Variants in MYH15 observed in about 807,000 individuals in gnomAD.
MYH15 encodes myosin heavy chain 15, also known as myosin-15.
A neutral mutation model predicts 240.5 loss-of-function variants in MYH15; 227 were observed. The ratio of observed to expected loss-of-function variants is 0.94; its 90% confidence interval spans 0.85 to 1.05. MYH15 has a LOEUF of 1.05. Ranked by LOEUF, MYH15 falls within the 50% of genes least tolerant of loss-of-function variation. The pLI, the probability that MYH15 is intolerant of heterozygous loss-of-function variation, is 0.00. For missense variants in MYH15, 2,217 were observed against 2,247.5 expected, an observed-to-expected ratio of 0.99 and a Z score of 0.27; for synonymous variants, 785 against 796.7, an observed-to-expected ratio of 0.99 and a Z score of 0.25.
intron 22 of MYH15, among the ~76,000 whole-genome samples, chr3:108,441,664 G>A (rs2107569306): frequency 6.6e-6 from 1 of 152,312 alleles, no homozygotes; most frequent in Admixed American, 6.5e-5. Context: ...AGAAAGCAGA[G>A]TTCCCTCTGA....
At chr3:108,517,545 C>A (rs2083583691) in intron 1 of MYH15, among the ~76,000 whole-genome samples, 1 of 152,042 alleles carries the variant, frequency 6.6e-6, no homozygotes, top group Non-Finnish European at 1.5e-5. Flanking sequence ...GTTGGCCAGG[C>A]TGGTCTTGAA....
intron 27 of MYH15, 80 bp from the exon 28 acceptor site, chr3:108,421,294 T>A: frequency 6.6e-7 from 1 of 1,517,454 alleles, no homozygotes; most frequent in Non-Finnish European, 9.0e-7. Flanking sequence ...AGGGGAGGAG[T>A]GGCTCCAGGG....
At chr3:108,447,099 T>C (rs1231358735) in intron 21 of MYH15, among the ~76,000 whole-genome samples, 1 of 151,988 alleles carries the variant, frequency 6.6e-6, no homozygotes, top group East Asian at 1.9e-4. Context: ...AAAAATTCCA[T>C]GGAAAGTATA....
At chr3:108,413,511 G>T (rs905348784) in intron 30 of MYH15, among the ~76,000 whole-genome samples, 4 of 152,152 alleles carry the variant, frequency 2.6e-5, no homozygotes, top group African/African-American at 9.7e-5. Flanking sequence ...AGTAAACCTT[G>T]AATGATTATA....
In MYH15 at chr3:108,398,764, C is replaced by A. The variant is rs765108967; in HGVS notation, c.5006G>T (p.Arg1669Leu). 5.0e-6 allele frequency: 8 copies of A among 1,614,188 alleles called. No homozygotes were observed. Among genetic ancestry groups the A allele is most frequent in the Non-Finnish European group, 6.8e-6 (8 of 1,180,044 alleles). The stretch of plus-strand genomic sequence containing the variant: ...TAGTTCAGACTGAAGAAGAGAGTTG[C>A]GCCGCTCAGCCACAGCCACCTGCTC... ...LKEQVAVAER[R>L]NSLLQSELED... The change falls in exon 35 of 41, where the codon CGC (arginine) becomes CTC (leucine). Residue 1669 changes from arginine to leucine, a missense_variant. By Grantham distance (102) the Arg-to-Leu change is moderately radical. Coordinates refer to ENST00000693548, the MANE Select transcript of MYH15 (RefSeq NM_014981.3).
chr3:108,460,063 G>A (rs2083058030), intron 17 of MYH15, among the ~76,000 whole-genome samples: 2 of 152,246 alleles, frequency 1.3e-5, no homozygotes, highest in African/African-American at 4.8e-5. Context: ...ACTCAGAGTT[G>A]TTATGAGCCA....
chr3:108,456,680 C>T (rs1299089107), intron 19 of MYH15, 86 bp downstream of exon 19: 2 of 964,572 alleles, frequency 2.1e-6, no homozygotes, highest in Non-Finnish European at 3.3e-6. Context: ...ATCAACCAAA[C>T]AAACAATGCA....
intron 32 of MYH15, 81 bp downstream of exon 32, chr3:108,408,199 T>C (rs2082560520): frequency 2.8e-6 from 4 of 1,451,370 alleles, no homozygotes; most frequent in Non-Finnish European, 3.7e-6. Flanking sequence ...CGTGTCCTTT[T>C]GTTGGTGCTG....
the MYH15 span, among the ~76,000 whole-genome samples, chr3:108,544,963 A>C: frequency 6.6e-6 from 1 of 152,184 alleles, no homozygotes; most frequent in Non-Finnish European, 1.5e-5. Context: ...TTGTTTTACC[A>C]CTAAAATTTG....
At chr3:108,472,157 A>G (rs1272831351) in intron 12 of MYH15, among the ~76,000 whole-genome samples, 1 of 152,238 alleles carries the variant, frequency 6.6e-6, no homozygotes, top group Non-Finnish European at 1.5e-5. Context: ...GTTCTAAAGT[A>G]ACCTACTGGG....
At chr3:108,503,352 T>TAAG (rs1353917418) in intron 2 of MYH15, among the ~76,000 whole-genome samples, 1 of 152,068 alleles carries the variant, frequency 6.6e-6, no homozygotes, top group African/African-American at 2.4e-5. Flanking sequence ...TGGTCATCAT[T>TAAG]AAGAAAATGA....
intron 6 of MYH15, among the ~76,000 whole-genome samples, chr3:108,496,661 T>C (rs986771061): frequency 2.6e-5 from 4 of 152,066 alleles, no homozygotes; most frequent in Non-Finnish European, 5.9e-5. Flanking sequence ...TTTTCAGTAA[T>C]ATGGGTTTAC....
intron 38 of MYH15, among the ~76,000 whole-genome samples, chr3:108,386,766 C>A (rs1406347604): frequency 6.6e-6 from 1 of 151,974 alleles, no homozygotes; most frequent in East Asian, 1.9e-4. Flanking sequence ...CCTCTCAACA[C>A]AGCAACTTAA....
At chr3:108,506,935 G>A (rs1472520032) in intron 1 of MYH15, among the ~76,000 whole-genome samples, 2 of 152,166 alleles carry the variant, frequency 1.3e-5, no homozygotes, top group Non-Finnish European at 2.9e-5. Context: ...GGAGGCTGAG[G>A]CAGGAGAATC....
At chr3:108,428,434 T>TCTTCC in intron 27 of MYH15, 58 bp downstream of exon 27, 2 of 1,530,564 alleles carry the variant, frequency 1.3e-6, no homozygotes, top group South Asian at 2.6e-5. Flanking sequence ...CCCTCCCATT[T>TCTTCC]CTTCCCCTCC....
At chr3:108,459,198 T>C (rs1362295155) in intron 18 of MYH15, among the ~76,000 whole-genome samples, 164 bp downstream of exon 18, 1 of 152,196 alleles carries the variant, frequency 6.6e-6, no homozygotes, top group Non-Finnish European at 1.5e-5. Flanking sequence ...AATGGCAATA[T>C]TGAGGAGGTT....
At chr3:108,473,353 T>C (rs913442571) in intron 12 of MYH15, among the ~76,000 whole-genome samples, 1 of 152,198 alleles carries the variant, frequency 6.6e-6, no homozygotes, top group African/African-American at 2.4e-5. Flanking sequence ...ATCTGTAAAA[T>C]AATAATAATG....
At chr3:108,459,300 T>C (rs2083050997) in intron 18 of MYH15, 62 bp downstream of exon 18, 6 of 1,031,168 alleles carry the variant, frequency 5.8e-6, no homozygotes, top group Non-Finnish European at 8.5e-6. Flanking sequence ...TTAAAAGATA[T>C]TCAATATAGC....
At chr3:108,480,408 G>T (rs1426243671) in intron 11 of MYH15, among the ~76,000 whole-genome samples, 1 of 152,196 alleles carries the variant, frequency 6.6e-6, no homozygotes, top group Non-Finnish European at 1.5e-5. Flanking sequence ...AGAAAAGCGG[G>T]TGACTTCTGG....
Sources: allele counts gnomAD v4.1 joint callset (sites outside exome capture counted in the v4.1 genomes callset), GRCh38; gene constraint gnomAD v4.1.1; transcripts MANE v1.5; gene names NCBI Gene and HGNC (gene_info 2026-07-23, HGNC 2026-07-21).